SMIM29: variants seen among roughly 807,000 people sequenced by gnomAD.
SMIM29 encodes uncharacterized protein C6orf1.
A neutral mutation model predicts 12.9 loss-of-function variants in SMIM29; 4 were observed. The observed-to-expected ratio is 0.31, with a 90% CI of 0.15 to 0.71. SMIM29 has a LOEUF of 0.71. Ranked by LOEUF, SMIM29 falls within the 30% of genes least tolerant of loss-of-function variation. SMIM29 has a pLI of 0.70. For missense variants in SMIM29, 122 were observed against 138.1 expected (o/e 0.88, Z 0.58); for synonymous variants, 50 against 52.0 (o/e 0.96, Z 0.17).
chr6:34,246,536 C>T lies in SMIM29; in HGVS notation c.*267G>A, dbSNP rs1418504844. On this transcript the variant is annotated 3_prime_UTR_variant, in exon 5 of 5. Transcript: ENST00000476320. Reference sequence around the variant, plus strand: ...GGGCTAGAGAAAGCAAAGGTGTCTACCAGCCGCCCCCATCCCAGAAGGAAA... The same window carrying T: ...GGGCTAGAGAAAGCAAAGGTGTCTATCAGCCGCCCCCATCCCAGAAGGAAA... The T allele has an allele frequency of 1.9e-6, 3 of 1,561,612 alleles. No homozygotes were observed. Among genetic ancestry groups the T allele is most frequent in the Non-Finnish European group, 2.6e-6 (3 of 1,151,252 alleles).
intron 1 of SMIM29, chr6:34,248,201 T>C (rs1762883049): frequency 4.1e-6 from 4 of 985,350 alleles, no homozygotes; most frequent in Non-Finnish European, 3.6e-6. Flanking sequence ...CCCAGCCCTT[T>C]TGGGGCATTG....
intron 1 of SMIM29, chr6:34,248,670 G>A (rs551689469): frequency 1.0e-6 from 1 of 985,556 alleles, no homozygotes; most frequent in South Asian, 4.7e-5. Flanking sequence ...CAGAGGGCAA[G>A]GTATGAGCGA....
rs1339014354 is a variant in SMIM29, at chr6:34,248,998, G to A, written c.-93C>T. The A allele has an allele frequency of 2.0e-6, 2 of 985,476 alleles. No homozygotes were observed. Among genetic ancestry groups the A allele is most frequent in the East Asian group, 1.1e-4 (1 of 8,820 alleles). 61.0% of individuals were successfully genotyped at this position (985,476 alleles called of 1,614,324 possible). ...CCTTACCTCCCGCCGCTGCAGCCCC[G>A]ACAGGAACGCCCTCGGTTGGCTCCC... On this transcript the variant is annotated 5_prime_UTR_variant, in exon 1 of 5. Transcript: ENST00000476320.
In SMIM29 at chr6:34,247,668, G is replaced by A. The variant is rs1043834441; in HGVS notation, c.111+13C>T. 7.0e-7 allele frequency: 1 copy of A among 1,421,134 alleles called. No homozygotes were observed. Among genetic ancestry groups the A allele is most frequent in the African/African-American group, 1.4e-5 (1 of 69,364 alleles). 88.0% of individuals were successfully genotyped at this position (1,421,134 alleles called of 1,614,324 possible). ...AAGCTGTGGGTGTCTGTGTGTATAT[G>A]AGGGCTCCTTACCACAGCCACCACC... On this transcript the variant is annotated intron_variant, in intron 2 of 4. Coordinates refer to ENST00000476320, the MANE Select transcript of SMIM29 (RefSeq NM_001008703.4).
chr6:34,247,477 T>A lies in SMIM29; in HGVS notation c.127A>T (p.Lys43Ter). 1 of 1,579,458 alleles carries A rather than the reference T, an allele frequency of 6.3e-7. No individual in the cohort carries two copies. The highest frequency in any genetic ancestry group is 8.6e-7 in the Non-Finnish European group (1 of 1,161,830). The stretch of plus-strand genomic sequence containing the variant: ...GACAGGGACACTCACCGCTTTTTCT[T>A]CTGTACATACATTACCTGCAACAGA... ...VVVAVVMYVQKKKRVDRLRHH... is the reference protein window; with the variant it reads ...VVVAVVMYVQ The change falls in exon 3 of 5, where the codon AAG (lysine) becomes TAG (stop). Residue 43 changes from lysine to a stop codon, truncating the protein, a stop_gained. Transcript: ENST00000476320. LOFTEE classifies it high-confidence loss of function.
chr6:34,247,652 G>A, intron 2 of SMIM29, 29 bp downstream of exon 2: 1 of 1,435,506 alleles, frequency 7.0e-7, no homozygotes, highest in Non-Finnish European at 9.1e-7. Flanking sequence ...AAAGCTGTGG[G>A]TGTCTGTGTG....
At chr6:34,248,793 C>A in intron 1 of SMIM29, 186 bp downstream of exon 1, 2 of 985,802 alleles carry the variant, frequency 2.0e-6, no homozygotes, top group Non-Finnish European at 2.4e-6. Flanking sequence ...CAGGCCGCTG[C>A]TAGGATGCGG....
intron 4 of SMIM29, 39 bp from the exon 5 acceptor site, chr6:34,246,907 T>G (rs956364893): frequency 1.3e-6 from 2 of 1,597,728 alleles, no homozygotes; most frequent in African/African-American, 2.7e-5. Flanking sequence ...CTGGGCTGTG[T>G]TCCCTGGGAG....
chr6:34,247,216 C>CAT (rs1762831029), intron 3 of SMIM29, 67 bp from the exon 4 acceptor site: 36 of 1,350,478 alleles, frequency 2.7e-5, no homozygotes, highest in South Asian at 1.9e-4. Flanking sequence ...CTGGCTGCCT[C>CAT]GTCTCCTCCC....
chr6:34,246,625 TG>T lies in SMIM29; in HGVS notation c.*177del, dbSNP rs746411880. 5.0e-6 allele frequency: 8 copies of T among 1,613,776 alleles called. No individual in the cohort carries two copies. In the East Asian group the frequency reaches 1.6e-4, roughly 31 times the overall value. On this transcript the variant is annotated 3_prime_UTR_variant, in exon 5 of 5. Coordinates refer to ENST00000476320, the MANE Select transcript of SMIM29 (RefSeq NM_001008703.4). ...CAACACCCACAAAGGGCAGAAGGCC[TG>T]GGGGCAGTGAGGTGATGGTGAGGGC...
chr6:34,248,563 G>T, intron 1 of SMIM29: 4 of 985,546 alleles, frequency 4.1e-6, no homozygotes, highest in Non-Finnish European at 4.8e-6. Flanking sequence ...GAGGTGGAGA[G>T]GGTCAGTCCC....
At position 34,247,134 on chromosome 6, in the gene SMIM29, G is replaced by A; in HGVS notation, c.153C>T (p.Arg51=). The change falls in exon 4 of 5, where the codon CGC becomes CGT. Residue 51 remains arginine (R), a synonymous_variant. Transcript: ENST00000476320. The stretch of plus-strand genomic sequence containing the variant: ...AGCTGTACATGGGGAGCAGGTGATG[G>A]CGCAGCCGGTCCACCCTGGGGAGCA... ...VQKKKRVDRL[R]HHLLPMYSYD... The A allele has an allele frequency of 6.2e-7, 1 of 1,614,080 alleles. No homozygotes were observed.
At chr6:34,248,318 C>CATCCT in intron 1 of SMIM29, 1 of 985,442 alleles carries the variant, frequency 1.0e-6, no homozygotes, top group Non-Finnish European at 1.2e-6. Context: ...AGCCCGCTTC[C>CATCCT]ATCCTGGTCC....
Position 34,247,044 on chromosome 6 carries a change from C to T in SMIM29, c.243G>A (p.Lys81=). The change falls in exon 4 of 5, where the codon AAG becomes AAA. Residue 81 remains lysine, a splice_region_variant and synonymous_variant. Coordinates refer to ENST00000476320, the MANE Select transcript of SMIM29 (RefSeq NM_001008703.4). ...CTCCCCCTGGCCCCCAAGTGCTCAC[C>T]TTGGGGTCTCCCATGTCAGAGAGCA... ...QELLSDMGDP[K]VVHGWQSGYQ... 6.2e-7 allele frequency: 1 copy of T among 1,614,124 alleles called. No homozygotes were observed. The highest frequency in any genetic ancestry group is 8.5e-7 in the Non-Finnish European group (1 of 1,180,030).
At chr6:34,247,640 G>A (rs1428312308) in intron 2 of SMIM29, 41 bp downstream of exon 2, 1 of 1,438,424 alleles carries the variant, frequency 7.0e-7, no homozygotes, top group East Asian at 2.5e-5. Flanking sequence ...CCCTGCCTTA[G>A]CAAAGCTGTG....
chr6:34,247,079 C>G lies in SMIM29; in HGVS notation c.208G>C (p.Glu70Gln), dbSNP rs145526916. The change falls in exon 4 of 5, where the codon GAG becomes CAG. Residue 70 changes from glutamate to glutamine, a missense_variant. Physicochemically the swap from Glu to Gln is conservative, Grantham distance 29. Transcript: ENST00000476320. ...YDPAEELHEA[E>Q]QELLSDMGDP... Reference sequence around the variant, plus strand: ...CCCATGTCAGAGAGCAGCTCCTGCTCAGCCTCATGCAGTTCCTCAGCTGGG... The same window carrying G: ...CCCATGTCAGAGAGCAGCTCCTGCTGAGCCTCATGCAGTTCCTCAGCTGGG... The G allele has an allele frequency of 5.1e-5, 83 of 1,614,006 alleles. No homozygotes were observed. Among genetic ancestry groups the G allele is most frequent in the Non-Finnish European group, 6.9e-5 (81 of 1,180,036 alleles).
rs576541755 is a variant in SMIM29 at position 34,247,328 on chromosome 6, C to G, written c.137+139G>C. Reference sequence around the variant, plus strand: ...AAAGGGGCTTTCCCCAGTGAGTAACCTGAGGCTGGGGCAGGGAAAACAAAT... The same window carrying G: ...AAAGGGGCTTTCCCCAGTGAGTAACGTGAGGCTGGGGCAGGGAAAACAAAT... On this transcript the variant is annotated intron_variant, in intron 3 of 4. Transcript: ENST00000476320. The G allele has an allele frequency of 3.3e-5, 50 of 1,530,016 alleles. No homozygotes were observed. The South Asian group carries it at 3.8e-4, about 12-fold the overall frequency. The allele number at this position is 1,530,016 out of a possible 1,614,324, so 94.8% of individuals were successfully genotyped here.
chr6:34,248,859 G>A (rs748383080), intron 1 of SMIM29, 120 bp downstream of exon 1: 38 of 985,566 alleles, frequency 3.9e-5, no homozygotes, highest in Non-Finnish European at 4.6e-5. Flanking sequence ...TCAGGCCGGA[G>A]GTGGGGGTGT....
rs1175406913 is a variant in SMIM29, at chr6:34,246,474, G to T, written c.*329C>A. 18 of 1,516,298 alleles carry T rather than the reference G, an allele frequency of 1.2e-5. No homozygotes were observed. Among genetic ancestry groups the T allele is most frequent in the Non-Finnish European group, 1.6e-5 (18 of 1,133,754 alleles). The allele number at this position is 1,516,298 out of a possible 1,614,324, so 93.9% of individuals were successfully genotyped here. ...CCATCACCATGGAAACAACTCCAAAGCCTGCCTGGGGATTTGTGCCCAAGC... is the reference window on the plus strand; with the variant it reads ...CCATCACCATGGAAACAACTCCAAATCCTGCCTGGGGATTTGTGCCCAAGC... On this transcript the variant is annotated 3_prime_UTR_variant, in exon 5 of 5. Transcript: ENST00000476320.
Sources: allele counts gnomAD v4.1 joint callset, GRCh38; gene constraint gnomAD v4.1.1; transcripts MANE v1.5; gene names NCBI Gene and HGNC (gene_info 2026-07-23, HGNC 2026-07-21).